ASXL1: variants seen among roughly 807,000 people sequenced by gnomAD.
The protein encoded by ASXL1 is polycomb group protein ASXL1.
In ASXL1, 65 loss-of-function variants were observed where a neutral mutation model predicts 89.1. That is an observed-to-expected ratio of 0.73 (90% CI 0.60 to 0.90). ASXL1 has a LOEUF of 0.90. Ranked by LOEUF, ASXL1 falls within the 40% of genes least tolerant of loss-of-function variation. The pLI is 0.00. For synonymous variants in ASXL1, 739 were observed against 746.9 expected (o/e 0.99, Z 0.17); for missense variants, 1,786 against 1,942.9 (o/e 0.92, Z 1.52).
intron 1 of ASXL1, chr20:32,359,882 GTTATACTAAGA>G: frequency 1.4e-6 from 1 of 715,990 alleles, no homozygotes; most frequent in Non-Finnish European, 2.6e-6. Flanking sequence ...GTAGTAACAG[GTTATACTAAGA>G]TGTCAGTTCC....
In ASXL1 at chr20:32,428,147, C is replaced by A; in HGVS notation, c.272C>A (p.Ser91Tyr). 1 of 1,613,650 alleles carries A rather than the reference C, an allele frequency of 6.2e-7. No individual in the cohort carries two copies. Among genetic ancestry groups the A allele is most frequent in the South Asian group, 1.1e-5 (1 of 91,030 alleles). The change falls in exon 5 of 13, where the codon TCT becomes TAT. Residue 91 changes from serine (S) to tyrosine (Y), a missense_variant. Coordinates refer to ENST00000375687, the MANE Select transcript of ASXL1 (RefSeq NM_015338.6). ...TCACAGAAGGATGCCCTGCAGTGGT[C>A]TCGCCATCCAGCTACAGTGGAGGGA... ...FTLKKDALQW[S>Y]RHPATVEGEE...
At chr20:32,375,738 A>G (rs2048367653) in intron 4 of ASXL1, among the ~76,000 whole-genome samples, 1 of 151,270 alleles carries the variant, frequency 6.6e-6, no homozygotes, top group African/African-American at 2.4e-5. Flanking sequence ...GCTGGAGTGC[A>G]GTGGCATGAT....
intron 10 of ASXL1, 193 bp from the exon 11 acceptor site, chr20:32,432,687 A>G (rs1320832557): frequency 1.6e-6 from 1 of 617,294 alleles, no homozygotes; most frequent in Non-Finnish European, 2.8e-6. Context: ...TCGATCAAGG[A>G]GTTGCTTGGT....
At chr20:32,431,700 C>T (rs749028864) in intron 10 of ASXL1, 21 bp downstream of exon 10, 55 of 1,610,180 alleles carry the variant, frequency 3.4e-5, no homozygotes, top group South Asian at 4.4e-5. Flanking sequence ...TTGGTCATCT[C>T]GGACGGCTTG....
chr20:32,433,719 T>C lies in ASXL1; in HGVS notation c.1521T>C (p.Ile507=). The part of the protein sequence containing the change: ...LARASASPDR[I]PSLPQETVDQ... ...GTGCCTCTGCATCTCCAGACAGAAT[T>C]CCTAGCCTGCCTCAGGAAACTGTGG... The change falls in exon 12 of 13, where the codon ATT becomes ATC. Residue 507 remains isoleucine, a synonymous_variant. Coordinates refer to ENST00000375687, the MANE Select transcript of ASXL1 (RefSeq NM_015338.6). 1 of 1,613,266 alleles carries C rather than the reference T, an allele frequency of 6.2e-7. No individual in the cohort carries two copies. Among genetic ancestry groups the C allele is most frequent in the Non-Finnish European group, 8.5e-7 (1 of 1,179,434 alleles).
intron 4 of ASXL1, among the ~76,000 whole-genome samples, chr20:32,379,871 C>T (rs1389896210): frequency 6.6e-6 from 1 of 151,918 alleles, no homozygotes; most frequent in Non-Finnish European, 1.5e-5. Flanking sequence ...GCTATTTGTA[C>T]TTTATTATAC....
At chr20:32,379,161 C>CTTTTTTTTTTTTT (rs71187113) in intron 4 of ASXL1, among the ~76,000 whole-genome samples, 13 of 61,794 alleles carry the variant, frequency 2.1e-4, no homozygotes, top group East Asian at 6.5e-4. Context: ...TAACTTCAGT[C>CTTTTTTTTTTTTT]TTTTTTTTTT....
chr20:32,364,956 A>G (rs2048181607), intron 1 of ASXL1, among the ~76,000 whole-genome samples: 2 of 152,146 alleles, frequency 1.3e-5, no homozygotes, highest in Non-Finnish European at 2.9e-5. Context: ...GTCAGGTAAG[A>G]GACTGGTTTT....
At chr20:32,402,013 A>G (rs762352648) in intron 4 of ASXL1, among the ~76,000 whole-genome samples, 2 of 152,262 alleles carry the variant, frequency 1.3e-5, no homozygotes, top group East Asian at 1.9e-4. Flanking sequence ...GCAGTTGACC[A>G]TGCGTAGCTG....
At chr20:32,367,991 AT>A in intron 3 of ASXL1, among the ~76,000 whole-genome samples, 1 of 152,232 alleles carries the variant, frequency 6.6e-6, no homozygotes, top group South Asian at 2.1e-4. Context: ...TTGGTGAAAA[AT>A]TTTTTAGCAT....
rs2123263611 is a variant in ASXL1, at chr20:32,433,654, G to A, written c.1456G>A (p.Val486Met). 1 of 1,611,824 alleles carries A rather than the reference G, an allele frequency of 6.2e-7. No homozygotes were observed. Among genetic ancestry groups the A allele is most frequent in the Non-Finnish European group, 8.5e-7 (1 of 1,178,126 alleles). The change falls in exon 12 of 13, where the codon GTG (valine) becomes ATG (methionine). Residue 486 changes from valine (V) to methionine (M), a missense_variant. Around this residue, in one of 3 missense-constraint regions of ASXL1, gnomAD observed 1,418 missense variants for 1,427.8 expected, o/e 0.99. Transcript: ENST00000375687. ...GGGTCCCGAATTCCCAGTTGAGTCTGTGGCTTCTCGGATCCAGGCTGAGCC... is the reference window on the plus strand; with the variant it reads ...GGGTCCCGAATTCCCAGTTGAGTCTATGGCTTCTCGGATCCAGGCTGAGCC... ...LEGPEFPVES[V>M]ASRIQAEPDN...
Position 32,438,046 on chromosome 20 carries a change from A to G in ASXL1, c.*708A>G. 4.3e-6 allele frequency: 1 copy of G among 233,878 alleles called. No individual in the cohort carries two copies. Among genetic ancestry groups the G allele is most frequent in the Non-Finnish European group, 8.4e-6 (1 of 118,508 alleles). 14.5% of individuals were successfully genotyped at this position (233,878 alleles called of 1,614,324 possible). On this transcript the variant is annotated 3_prime_UTR_variant, in exon 13 of 13. Coordinates refer to ENST00000375687, the MANE Select transcript of ASXL1 (RefSeq NM_015338.6). ...TCTTTCCTATGAAAATGCCATCTGT[A>G]GACCTTGTGAGTCAGCCGTCCAGAT...
rs950086801 is a variant in ASXL1 at position 32,429,427 on chromosome 20, A to G, written c.561A>G (p.Ala187=). 5.0e-6 allele frequency: 8 copies of G among 1,613,754 alleles called. No individual in the cohort carries two copies. The highest frequency in any genetic ancestry group is 6.8e-6 in the Non-Finnish European group (8 of 1,179,704). The change falls in exon 7 of 13, where the codon GCA becomes GCG. Residue 187 remains alanine (A), a synonymous_variant. Transcript: ENST00000375687. This position sits in a 1 kb window ranked among gnomAD's most constrained non-coding sequence, Gnocchi z 4.9. ...TAAACGGGGCCCACGTGGAATCTGC[A>G]TCAGGTATGTGTAAACTCATGGTTG... is the stretch of plus-strand genomic sequence containing the variant. ...LKVNGAHVES[A]SGFSGCHADG...
chr20:32,382,846 C>T (rs1485528086), intron 4 of ASXL1, among the ~76,000 whole-genome samples: 1 of 152,074 alleles, frequency 6.6e-6, no homozygotes, highest in East Asian at 1.9e-4. Context: ...TAGATAATAA[C>T]TTATGTAGTC....
chr20:32,419,199 G>T (rs551134821), intron 4 of ASXL1, among the ~76,000 whole-genome samples: 1 of 151,234 alleles, frequency 6.6e-6, no homozygotes, highest in East Asian at 1.9e-4. Flanking sequence ...TTTATTTAGG[G>T]TTTGTTTGTT....
rs556422255 is a variant in ASXL1, at chr20:32,420,057, T to G, written c.253-8071T>G. On this transcript the variant is annotated intron_variant, in intron 4 of 12. Transcript: ENST00000375687. The stretch of plus-strand genomic sequence containing the variant: ...GATTTTTCCTTTTTTTTTTTTTTAA[T>G]GTGATCTCAAATGTCACAATGTGGC... 4.0e-5 allele frequency among the ~76,000 whole-genome samples: 6 copies of G among 151,258 alleles called. No homozygotes were observed. The South Asian group carries it at 1.3e-3, about 32-fold the overall frequency.
Position 32,392,281 on chromosome 20 carries a change from AT to A in ASXL1, c.252+23174del, listed in dbSNP as rs35202000. 8.5e-3 allele frequency among the ~76,000 whole-genome samples: 1,119 copies of A among 131,046 alleles called. 14 individuals carry two copies. The highest frequency in any genetic ancestry group is 0.032 in the Admixed American group (423 of 13,078). 86.0% of individuals were successfully genotyped at this position (131,046 alleles called of 152,430 possible). On this transcript the variant is annotated intron_variant, in intron 4 of 12. Coordinates refer to ENST00000375687, the MANE Select transcript of ASXL1 (RefSeq NM_015338.6). ...AGGCGTGTGCCACCAAGCCTAGCTGATTTTTTTTTTTTTTTTCCGAGATGGA... is the reference window on the plus strand; with the variant it reads ...AGGCGTGTGCCACCAAGCCTAGCTGATTTTTTTTTTTTTTTCCGAGATGGA...
At chr20:32,430,277 C>A in intron 8 of ASXL1, 1 of 615,108 alleles carries the variant, frequency 1.6e-6, no homozygotes, top group Non-Finnish European at 2.7e-6. Flanking sequence ...TACTGTTTCT[C>A]GTATGTCCCT....
At chr20:32,406,299 G>T (rs540922592) in intron 4 of ASXL1, among the ~76,000 whole-genome samples, 2 of 152,118 alleles carry the variant, frequency 1.3e-5, no homozygotes, top group Non-Finnish European at 2.9e-5. Context: ...TGTAATCCCA[G>T]CACTTTGGGA....
Sources: gnomAD v4.1 joint callset for allele counts (sites outside exome capture counted in the v4.1 genomes callset) on GRCh38, gnomAD v4.1.1 for gene constraint, gnomAD v4.1.1 regional missense constraint, Gnocchi (gnomAD v3.1) non-coding constraint, MANE v1.5 for transcripts, NCBI Gene and HGNC (gene_info 2026-07-23, HGNC 2026-07-21) for gene names.